TRIM75: variants seen among roughly 807,000 people sequenced by gnomAD.
The protein encoded by TRIM75 is tripartite motif-containing protein 75.
At chr4:165,056,601 T>C in the TRIM75 span, among the ~76,000 whole-genome samples, 2 of 127,162 alleles carry the variant, frequency 1.6e-5, no homozygotes, top group African/African-American at 5.9e-5. Flanking sequence ...TGTCTCTGTC[T>C]CTTTTTTTTT....
chr4:165,055,282 A>G, the TRIM75 span, among the ~76,000 whole-genome samples: 1 of 119,058 alleles, frequency 8.4e-6, no homozygotes, highest in African/African-American at 3.7e-5. Context: ...TAAGATAACT[A>G]CTTTTTTTTT....
chr4:165,056,370 T>A, the TRIM75 span, among the ~76,000 whole-genome samples: 1 of 151,920 alleles, frequency 6.6e-6, no homozygotes, highest in Middle Eastern at 3.4e-3. Flanking sequence ...AGCTGAGGGA[T>A]CCCTGCATTT....
chr4:165,057,616 C>T, the TRIM75 span, among the ~76,000 whole-genome samples: 54,600 of 152,046 alleles, frequency 0.36, 11,327 homozygotes, highest in Non-Finnish European at 0.48. Flanking sequence ...TCACTGCAAC[C>T]GCCGCCTCCT....
At chr4:165,060,189 A>G in the TRIM75 span, 1 of 780,930 alleles carries the variant, frequency 1.3e-6, no homozygotes, top group Non-Finnish European at 2.4e-6. Flanking sequence ...TCATTCTGGC[A>G]GGCATTTCTG....
At chr4:165,058,960 C>T in the TRIM75 span, among the ~76,000 whole-genome samples, 8 of 152,132 alleles carry the variant, frequency 5.3e-5, no homozygotes, top group Admixed American at 2.0e-4. Flanking sequence ...TTAAAGGGTC[C>T]GAAGATTCAA....
the TRIM75 span, among the ~76,000 whole-genome samples, chr4:165,056,655 C>A: frequency 7.8e-6 from 1 of 128,342 alleles, no homozygotes; most frequent in Non-Finnish European, 1.6e-5. Flanking sequence ...CGCTCTGTTG[C>A]CCAGGCTGGT....
At chr4:165,056,097 T>C in the TRIM75 span, among the ~76,000 whole-genome samples, 3 of 151,892 alleles carry the variant, frequency 2.0e-5, no homozygotes, top group Admixed American at 1.3e-4. Flanking sequence ...CAGTTAATTT[T>C]TGTATTTTTA....
At chr4:165,056,087 C>T in the TRIM75 span, among the ~76,000 whole-genome samples, 2 of 151,842 alleles carry the variant, frequency 1.3e-5, no homozygotes, top group Non-Finnish European at 1.5e-5. Flanking sequence ...CATCAACACC[C>T]AGTTAATTTT....
At chr4:165,059,251 T>C in the TRIM75 span, 4 of 780,482 alleles carry the variant, frequency 5.1e-6, no homozygotes, top group Non-Finnish European at 9.6e-6. Flanking sequence ...GGGCACAACT[T>C]CTGTCGTTCC....
the TRIM75 span, among the ~76,000 whole-genome samples, chr4:165,055,055 C>G: frequency 1.3e-5 from 2 of 152,032 alleles, no homozygotes; most frequent in Non-Finnish European, 2.9e-5. Flanking sequence ...TTACAAAGGA[C>G]AGACTAAGGC....
the TRIM75 span, among the ~76,000 whole-genome samples, chr4:165,054,472 T>C: frequency 1.4e-4 from 22 of 152,306 alleles, no homozygotes; most frequent in African/African-American, 4.8e-4. Flanking sequence ...TTTCACCATG[T>C]TGGCCAGTAT....
chr4:165,059,234 C>A, the TRIM75 span: 2 of 780,302 alleles, frequency 2.6e-6, no homozygotes, highest in Admixed American at 3.4e-5. Flanking sequence ...CCGTCACCAT[C>A]GAATGTGGGC....
chr4:165,059,351 C>T, the TRIM75 span: 2 of 780,638 alleles, frequency 2.6e-6, no homozygotes, highest in East Asian at 4.8e-5. Context: ...TCAGGAGCAA[C>T]ACCCAGCTGG....
the TRIM75 span, among the ~76,000 whole-genome samples, chr4:165,055,145 A>T: frequency 6.6e-6 from 1 of 151,480 alleles, no homozygotes; most frequent in Admixed American, 6.6e-5. Context: ...ATTAAAAAAA[A>T]ATTTTTTTTT....
the TRIM75 span, chr4:165,059,792 A>C: frequency 9.0e-6 from 7 of 780,774 alleles, no homozygotes; most frequent in African/African-American, 3.4e-5. Context: ...ATCAACAGAA[A>C]CTCAGTGCAA....
the TRIM75 span, chr4:165,060,176 T>C: frequency 2.6e-6 from 2 of 780,838 alleles, no homozygotes; most frequent in African/African-American, 3.4e-5. Flanking sequence ...GTTTTCCGTA[T>C]TTTCATTCTG....
the TRIM75 span, among the ~76,000 whole-genome samples, chr4:165,057,207 A>G: frequency 2.0e-5 from 3 of 152,158 alleles, no homozygotes; most frequent in Admixed American, 6.5e-5. Flanking sequence ...AGTTCAAACT[A>G]GTACTGAAAA....
chr4:165,059,940 T>A, the TRIM75 span: 5 of 779,794 alleles, frequency 6.4e-6, no homozygotes, highest in South Asian at 6.7e-5. Flanking sequence ...GAGTAGCCCA[T>A]CGATCTTTTC....
chr4:165,060,312 C>G, the TRIM75 span: 1 of 780,938 alleles, frequency 1.3e-6, no homozygotes, highest in Non-Finnish European at 2.4e-6. Context: ...GAGAATTGAG[C>G]TGCAAGATGA....
Sources: gnomAD v4.1 joint callset for allele counts (sites outside exome capture counted in the v4.1 genomes callset) on GRCh38, gnomAD v4.1.1 for gene constraint, MANE v1.5 for transcripts, NCBI Gene and HGNC (gene_info 2026-07-23, HGNC 2026-07-21) for gene names.